Variants in EGFLAM observed in about 807,000 individuals in gnomAD.
EGFLAM encodes the protein pikachurin.
A neutral mutation model predicts 113.1 loss-of-function variants in EGFLAM; 79 were observed. The observed-to-expected ratio is 0.70, with a 90% CI of 0.58 to 0.84. The LOEUF is 0.84. Ranked by LOEUF, EGFLAM falls within the 40% of genes least tolerant of loss-of-function variation. The pLI, the probability that EGFLAM is intolerant of heterozygous loss-of-function variation, is 0.00. For synonymous variants in EGFLAM, 504 were observed against 487.6 expected (o/e 1.03, Z -0.44); for missense variants, 1,265 against 1,291.6 (o/e 0.98, Z 0.32).
chr5:38,351,000 T>G (rs10045133), intron 4 of EGFLAM, among the ~76,000 whole-genome samples: 8,665 of 152,056 alleles, frequency 0.057, 306 homozygotes, highest in African/African-American at 0.097. Context: ...TTTATTGAGG[T>G]GACACCAAGT....
intron 6 of EGFLAM, among the ~76,000 whole-genome samples, chr5:38,372,647 G>A (rs1395029529): frequency 1.3e-5 from 2 of 152,174 alleles, no homozygotes; most frequent in Admixed American, 6.5e-5. Context: ...CAAAGTAATT[G>A]TGGGTAGGGA....
At chr5:38,384,000 A>G (rs1041445733) in intron 6 of EGFLAM, among the ~76,000 whole-genome samples, 2 of 152,056 alleles carry the variant, frequency 1.3e-5, no homozygotes, top group Non-Finnish European at 2.9e-5. Context: ...CCTGATGAAG[A>G]CTTTGAATCT....
chr5:38,282,376 A>G (rs903730289), intron 1 of EGFLAM: 2 of 152,270 alleles, frequency 1.3e-5, no homozygotes, highest in African/African-American at 4.8e-5. Context: ...GTGGATGATT[A>G]GAACCTAAAC....
chr5:38,458,210 G>T (rs1743152211), intron 19 of EGFLAM, 101 bp from the exon 20 acceptor site: 1 of 1,063,600 alleles, frequency 9.4e-7, no homozygotes, highest in Admixed American at 2.6e-5. Flanking sequence ...TGCACTCTGA[G>T]TTGCAAAGAA....
intron 1 of EGFLAM, 76 bp downstream of exon 1, chr5:38,258,927 G>A (rs1044830592): frequency 1.4e-6 from 2 of 1,443,842 alleles, no homozygotes; most frequent in East Asian, 2.5e-5. Context: ...CACAGAGCGG[G>A]CAGCGCACCG....
In EGFLAM at chr5:38,384,451, G is replaced by A. The variant is rs1740603149; in HGVS notation, c.712+13989G>A. ...TGTTGGTTCCTCTTGAGAGCAGTGTGAGTGTTGCTCCCATGCTCCCAAGTG... is the reference window on the plus strand; with the variant it reads ...TGTTGGTTCCTCTTGAGAGCAGTGTAAGTGTTGCTCCCATGCTCCCAAGTG... On this transcript the variant is annotated intron_variant, in intron 6 of 21. Transcript: ENST00000322350. Among the ~76,000 whole-genome samples, 4 of 152,298 alleles carry A rather than the reference G, an allele frequency of 2.6e-5. No individual in the cohort carries two copies. The South Asian group carries it at 8.3e-4, about 32-fold the overall frequency.
intron 1 of EGFLAM, chr5:38,305,480 G>A (rs146405508): frequency 4.2e-5 from 19 of 454,772 alleles, no homozygotes; most frequent in African/African-American, 1.6e-4. Flanking sequence ...GAACCATGAC[G>A]CAGGACCAAA....
chr5:38,358,463 A>AAG (rs1554049829), intron 5 of EGFLAM, among the ~76,000 whole-genome samples: 5 of 151,352 alleles, frequency 3.3e-5, no homozygotes, highest in African/African-American at 9.7e-5. Context: ...AAAAAAAAAA[A>AAG]AAAAAGATTA....
At position 38,462,979 on chromosome 5, in the gene EGFLAM, G is replaced by T. The variant is rs772568999; in HGVS notation, c.2843G>T (p.Arg948Leu). 4 of 1,614,036 alleles carry T rather than the reference G, an allele frequency of 2.5e-6. No homozygotes were observed. The Admixed American group carries it at 6.7e-5, about 27-fold the overall frequency. Residue 948 changes from arginine (R) to leucine (L), a missense_variant, in exon 21 of 22, where the codon CGG becomes CTG. By Grantham distance (102) the Arg-to-Leu change is moderately radical. Transcript: ENST00000322350. ...ARTGKSPGMM[R>L]QLNINGALYV... The stretch of plus-strand genomic sequence containing the variant: ...ACAGGCAAATCCCCAGGCATGATGC[G>T]GCAGCTTAACATCAATGGAGCTCTG...
chr5:38,340,846 T>TCCCCCCAAACACACACACACACAGA (rs1554048538), intron 3 of EGFLAM, among the ~76,000 whole-genome samples: 3 of 44,174 alleles, frequency 6.8e-5, no homozygotes, highest in Non-Finnish European at 1.2e-4. Context: ...TGTGTGTGTT[T>TCCCCCCAAACACACACACACACAGA]GGGGGGGTGG....
chr5:38,391,546 C>T (rs1020805107), intron 6 of EGFLAM, among the ~76,000 whole-genome samples: 2 of 151,560 alleles, frequency 1.3e-5, no homozygotes, highest in African/African-American at 4.9e-5. Context: ...TTACAGGCGC[C>T]TACTACCACG....
At chr5:38,274,809 T>G (rs1042764189) in intron 1 of EGFLAM, among the ~76,000 whole-genome samples, 1 of 152,188 alleles carries the variant, frequency 6.6e-6, no homozygotes, top group South Asian at 2.1e-4. Flanking sequence ...TTCAGAACAC[T>G]CTAATACTGT....
intron 19 of EGFLAM, among the ~76,000 whole-genome samples, chr5:38,452,903 C>T (rs1689976529): frequency 1.3e-5 from 2 of 152,230 alleles, no homozygotes; most frequent in Non-Finnish European, 2.9e-5. Context: ...TCTCCCCACT[C>T]TTCTTACCAG....
intron 1 of EGFLAM, among the ~76,000 whole-genome samples, chr5:38,318,763 C>T (rs1202314887): frequency 4.6e-5 from 7 of 152,100 alleles, no homozygotes. Context: ...ATCGGCCTCC[C>T]AAAGTGTCAG....
chr5:38,376,181 G>A (rs1414440506), intron 6 of EGFLAM, among the ~76,000 whole-genome samples: 1 of 152,164 alleles, frequency 6.6e-6, no homozygotes, highest in African/African-American at 2.4e-5. Context: ...GCCTCCACTG[G>A]CCACCAACTA....
At chr5:38,391,952 T>C (rs1291024114) in intron 6 of EGFLAM, among the ~76,000 whole-genome samples, 1 of 152,036 alleles carries the variant, frequency 6.6e-6, no homozygotes, top group African/African-American at 2.4e-5. Context: ...AATTTTTTTT[T>C]CTTTTTTAAC....
intron 10 of EGFLAM, among the ~76,000 whole-genome samples, chr5:38,410,987 C>T (rs1741458843): frequency 1.3e-5 from 2 of 152,238 alleles, no homozygotes; most frequent in South Asian, 4.1e-4. Flanking sequence ...TTGCTGAAAA[C>T]AAGAAGGAGG....
intron 4 of EGFLAM, among the ~76,000 whole-genome samples, chr5:38,351,869 G>A (rs987482759): frequency 1.3e-5 from 2 of 152,212 alleles, no homozygotes; most frequent in Admixed American, 6.5e-5. Context: ...GGTTTTCCAG[G>A]GAACTTACCA....
intron 3 of EGFLAM, among the ~76,000 whole-genome samples, chr5:38,339,338 A>G (rs1579792667): frequency 6.6e-6 from 1 of 151,910 alleles, no homozygotes; most frequent in East Asian, 1.9e-4. Context: ...GGCCTTAGGC[A>G]TCTTGAATTT....
Sources: allele counts gnomAD v4.1 joint callset (sites outside exome capture counted in the v4.1 genomes callset), GRCh38; gene constraint gnomAD v4.1.1; transcripts MANE v1.5; gene names NCBI Gene and HGNC (gene_info 2026-07-23, HGNC 2026-07-21).